Variants in TAF1B observed in about 807,000 individuals in gnomAD.
TAF1B encodes TATA box-binding protein-associated factor RNA polymerase I subunit B.
A neutral mutation model predicts 83.9 loss-of-function variants in TAF1B; 61 were observed. The ratio of observed to expected loss-of-function variants is 0.73; its 90% confidence interval spans 0.59 to 0.90. The LOEUF (loss-of-function observed/expected upper bound fraction) is 0.90, where lower values mean the gene tolerates loss of function less well. TAF1B is among the 40% of genes least tolerant of loss of function. The pLI, the probability that TAF1B is intolerant of heterozygous loss-of-function variation, is 0.00. For synonymous variants in TAF1B, 221 were observed against 224.6 expected, an observed-to-expected ratio of 0.98 and a Z score of 0.14; for missense variants, 625 against 677.0, an observed-to-expected ratio of 0.92 and a Z score of 0.85.
At chr2:9,863,049 T>C (rs1244965603) in intron 5 of TAF1B, among the ~76,000 whole-genome samples, 2 of 152,106 alleles carry the variant, frequency 1.3e-5, no homozygotes, top group East Asian at 1.9e-4. Flanking sequence ...ACGAGCAAAA[T>C]AACCAGCTAT....
At chr2:9,844,672 A>G (rs1453290703) in intron 1 of TAF1B, among the ~76,000 whole-genome samples, 1 of 152,170 alleles carries the variant, frequency 6.6e-6, no homozygotes, top group Non-Finnish European at 1.5e-5. Context: ...GTAACTCACC[A>G]TTAGCTAGCG....
In TAF1B at chr2:9,919,647, A is replaced by G; in HGVS notation, c.1392A>G (p.Thr464=). The part of the protein sequence containing the change: ...QKQFSTLVES[T]ATAGKKSPSS... ...AATTTAGCACACTGGTCGAGTCAACAGCAACTGCTGGAAAAAAAAGCCCTT... is the reference window on the plus strand; with the variant it reads ...AATTTAGCACACTGGTCGAGTCAACGGCAACTGCTGGAAAAAAAAGCCCTT... Residue 464 remains threonine, a synonymous_variant, in exon 14 of 15, where the codon ACA becomes ACG. Transcript: ENST00000263663. 1 of 1,614,166 alleles carries G rather than the reference A, an allele frequency of 6.2e-7. No homozygotes were observed. The highest frequency in any genetic ancestry group is 8.5e-7 in the Non-Finnish European group (1 of 1,180,038).
Position 9,858,576 on chromosome 2 carries a change from A to G in TAF1B, c.399+4155A>G, listed in dbSNP as rs553773268. Among the ~76,000 whole-genome samples, 40 of 152,366 alleles carry G rather than the reference A, an allele frequency of 2.6e-4. 1 individual carries two copies. Among genetic ancestry groups the G allele is most frequent in the Middle Eastern group, 3.4e-3 (1 of 294 alleles). Reference sequence around the variant, plus strand: ...TGCATTGCCCTAGAAGAGGTTCTCTATGAGGGCTCTGCCCCTGCATCAGAC... The same window carrying G: ...TGCATTGCCCTAGAAGAGGTTCTCTGTGAGGGCTCTGCCCCTGCATCAGAC... On this transcript the variant is annotated intron_variant, in intron 5 of 14. Transcript: ENST00000263663.
In TAF1B at chr2:9,913,075, CAATT is replaced by C. The variant is rs528981467; in HGVS notation, c.1181-80_1181-77del. The stretch of plus-strand genomic sequence containing the variant: ...ACTCACACCAACTGCCCAGTGCAGT[CAATT>C]AATGAAAACTCAGATGAACAATGTA... On this transcript the variant is annotated intron_variant, in intron 11 of 14. Transcript: ENST00000263663. 2.4e-4 allele frequency: 272 copies of C among 1,154,602 alleles called. No individual in the cohort carries two copies. In the African/African-American group the frequency reaches 3.9e-3, roughly 17 times the overall value. The allele number at this position is 1,154,602 out of a possible 1,614,324, so 71.5% of individuals were successfully genotyped here.
At chr2:9,927,532 G>A (rs1323894096) in intron 14 of TAF1B, among the ~76,000 whole-genome samples, 5 of 152,200 alleles carry the variant, frequency 3.3e-5, no homozygotes, top group Non-Finnish European at 4.4e-5. Context: ...TCCAGCACCT[G>A]TTGTTTCCTG....
intron 4 of TAF1B, among the ~76,000 whole-genome samples, chr2:9,853,946 A>G (rs187489614): frequency 6.6e-6 from 1 of 152,334 alleles, no homozygotes; most frequent in African/African-American, 2.4e-5. Context: ...TCTAAAATTA[A>G]GAAGGATTTT....
At chr2:9,859,935 G>C (rs1558616895) in intron 5 of TAF1B, among the ~76,000 whole-genome samples, 1 of 152,224 alleles carries the variant, frequency 6.6e-6, no homozygotes, top group Non-Finnish European at 1.5e-5. Context: ...ATAAACAAAA[G>C]AGGTTTAATG....
chr2:9,872,981 G>A (rs1270833085), intron 6 of TAF1B, among the ~76,000 whole-genome samples: 2 of 152,088 alleles, frequency 1.3e-5, no homozygotes, highest in Non-Finnish European at 2.9e-5. Flanking sequence ...ACCATTGCAT[G>A]GAATTACTTA....
intron 8 of TAF1B, among the ~76,000 whole-genome samples, chr2:9,888,790 GTTTTTTTTTTTTTTTT>G (rs56125595): frequency 1.2e-5 from 1 of 81,668 alleles, no homozygotes; most frequent in African/African-American, 7.8e-5. Context: ...CTTCTGCTTG[GTTTTTTTTTTTTTTTT>G]TTTTTTTTTT....
intron 9 of TAF1B, among the ~76,000 whole-genome samples, chr2:9,910,345 G>A (rs746670362): frequency 5.3e-5 from 8 of 152,204 alleles, no homozygotes; most frequent in African/African-American, 1.9e-4. Context: ...AGGGCTTCCA[G>A]TGTGCTAGCC....
intron 1 of TAF1B, chr2:9,844,561 A>G (rs542016620): frequency 1.7e-4 from 26 of 152,392 alleles, no homozygotes; most frequent in African/African-American, 5.5e-4. Context: ...TTAGGCCTGT[A>G]TATACAGGAG....
At chr2:9,873,742 C>A (rs1664239178) in intron 6 of TAF1B, among the ~76,000 whole-genome samples, 1 of 150,558 alleles carries the variant, frequency 6.6e-6, no homozygotes, top group Admixed American at 6.7e-5. Flanking sequence ...TGCTTTACAT[C>A]CAATCTATCA....
At chr2:9,870,711 C>G (rs912878308) in intron 6 of TAF1B, among the ~76,000 whole-genome samples, 3 of 152,024 alleles carry the variant, frequency 2.0e-5, no homozygotes, top group African/African-American at 7.3e-5. Context: ...ATGTGCATTT[C>G]TCATTCTCTC....
chr2:9,843,633 A>G (rs1663094443), intron 1 of TAF1B, 74 bp downstream of exon 1: 5 of 1,400,594 alleles, frequency 3.6e-6, no homozygotes, highest in East Asian at 5.9e-5. Flanking sequence ...GGAGCGGCGG[A>G]GGACGCCGCG....
intron 5 of TAF1B, among the ~76,000 whole-genome samples, chr2:9,855,143 C>T (rs138181179): frequency 0.044 from 6,702 of 152,148 alleles, 193 homozygotes; most frequent in Non-Finnish European, 0.066. Flanking sequence ...TACAGGCGCC[C>T]GCCACCACAC....
intron 9 of TAF1B, among the ~76,000 whole-genome samples, chr2:9,909,719 A>C (rs1665464481): frequency 6.6e-6 from 1 of 152,186 alleles, no homozygotes; most frequent in Non-Finnish European, 1.5e-5. Context: ...TGCCTTAGGT[A>C]TATTCATTAA....
At chr2:9,847,856 T>C (rs1344904697) in intron 2 of TAF1B, among the ~76,000 whole-genome samples, 1 of 152,204 alleles carries the variant, frequency 6.6e-6, no homozygotes, top group African/African-American at 2.4e-5. Context: ...TTGTCTCTTT[T>C]TTCCTGTGTG....
At chr2:9,854,015 G>T (rs1036619040) in intron 4 of TAF1B, among the ~76,000 whole-genome samples, 2 of 152,094 alleles carry the variant, frequency 1.3e-5, no homozygotes, top group African/African-American at 4.8e-5. Flanking sequence ...TTAAGGAAAG[G>T]CAGGTAAGAA....
chr2:9,849,263 G>A (rs528506900), intron 2 of TAF1B, 110 bp from the exon 3 acceptor site: 2 of 695,758 alleles, frequency 2.9e-6, no homozygotes, highest in Non-Finnish European at 4.7e-6. Flanking sequence ...TACCATCCTT[G>A]GTCCTGGCAC....
Sources: gnomAD v4.1 joint callset for allele counts (sites outside exome capture counted in the v4.1 genomes callset) on GRCh38, gnomAD v4.1.1 for gene constraint, MANE v1.5 for transcripts, NCBI Gene and HGNC (gene_info 2026-07-23, HGNC 2026-07-21) for gene names.